Variants in KCNIP1 observed in about 807,000 individuals in gnomAD.
KCNIP1 encodes potassium voltage-gated channel interacting protein 1.
A neutral mutation model predicts 33.0 loss-of-function variants in KCNIP1; 18 were observed. That is an observed-to-expected ratio of 0.55 (90% CI 0.38 to 0.81). The LOEUF (loss-of-function observed/expected upper bound fraction) is 0.81. KCNIP1 is among the 30% of genes least tolerant of loss of function. KCNIP1 has a pLI of 0.00. For synonymous variants in KCNIP1, 93 were observed against 98.3 expected, an observed-to-expected ratio of 0.95 and a Z score of 0.32; for missense variants, 238 against 271.6, an observed-to-expected ratio of 0.88 and a Z score of 0.87.
chr5:170,570,867 G>A (rs1757381853), intron 1 of KCNIP1, among the ~76,000 whole-genome samples: 1 of 152,212 alleles, frequency 6.6e-6, no homozygotes, highest in Admixed American at 6.5e-5. Flanking sequence ...CCTTTATTAA[G>A]TCCCCCACTA....
intron 1 of KCNIP1, among the ~76,000 whole-genome samples, chr5:170,404,205 T>A (rs1284297697): frequency 6.6e-6 from 1 of 152,216 alleles, no homozygotes; most frequent in Admixed American, 6.5e-5. Flanking sequence ...TATTTATCAG[T>A]GTAAATAGCT....
chr5:170,413,894 C>T (rs1481189567), intron 1 of KCNIP1, among the ~76,000 whole-genome samples: 1 of 148,326 alleles, frequency 6.7e-6, no homozygotes, highest in Non-Finnish European at 1.5e-5. Flanking sequence ...CTGGTCTTGT[C>T]CAACTGTATC....
intron 1 of KCNIP1, among the ~76,000 whole-genome samples, chr5:170,409,782 T>G (rs973697061): frequency 6.6e-6 from 1 of 152,138 alleles, no homozygotes; most frequent in African/African-American, 2.4e-5. Flanking sequence ...GCTGAGGAAT[T>G]TGGTTGAGTT....
At chr5:170,483,685 T>C (rs1176692301) in intron 1 of KCNIP1, 1 of 152,220 alleles carries the variant, frequency 6.6e-6, no homozygotes, top group Admixed American at 6.5e-5. Context: ...ACCTTCCTTA[T>C]GGTTGTCAAA....
chr5:170,444,077 G>A (rs1174341441), intron 1 of KCNIP1, among the ~76,000 whole-genome samples: 1 of 152,222 alleles, frequency 6.6e-6, no homozygotes, highest in Admixed American at 6.5e-5. Flanking sequence ...TGTGGTAAGT[G>A]GACCTCAGTA....
intron 1 of KCNIP1, among the ~76,000 whole-genome samples, chr5:170,671,444 C>A (rs1761919249): frequency 6.6e-6 from 1 of 152,210 alleles, no homozygotes; most frequent in South Asian, 2.1e-4. Context: ...TTTCCTCCTT[C>A]AGCTCTTAGT....
intron 1 of KCNIP1, among the ~76,000 whole-genome samples, chr5:170,509,828 G>A (rs1754868721): frequency 6.6e-6 from 1 of 152,220 alleles, no homozygotes; most frequent in South Asian, 2.1e-4. Flanking sequence ...TAGGTGTATA[G>A]TGTCTTTGGA....
At chr5:170,404,239 A>C (rs529291127) in intron 1 of KCNIP1, among the ~76,000 whole-genome samples, 1 of 152,362 alleles carries the variant, frequency 6.6e-6, no homozygotes, top group Admixed American at 6.5e-5. Flanking sequence ...AAAAATTGGA[A>C]ACTAATAAAA....
At chr5:170,570,706 A>T (rs1757376282) in intron 1 of KCNIP1, among the ~76,000 whole-genome samples, 1 of 152,254 alleles carries the variant, frequency 6.6e-6, no homozygotes, top group Admixed American at 6.5e-5. Context: ...TTGGAGCACC[A>T]GCGACAGACG....
chr5:170,638,044 G>T (rs1363072434), intron 1 of KCNIP1, among the ~76,000 whole-genome samples: 1 of 136,590 alleles, frequency 7.3e-6, no homozygotes, highest in Non-Finnish European at 1.6e-5. Flanking sequence ...GGGGGTGGGG[G>T]GTGGGGATGT....
chr5:170,447,168 C>G (rs1756138644), intron 1 of KCNIP1, among the ~76,000 whole-genome samples: 1 of 152,148 alleles, frequency 6.6e-6, no homozygotes, highest in African/African-American at 2.4e-5. Flanking sequence ...TCTTGTACAT[C>G]TGCTGTATGC....
chr5:170,474,684 T>C (rs552056668), intron 1 of KCNIP1, among the ~76,000 whole-genome samples: 1 of 152,330 alleles, frequency 6.6e-6, no homozygotes, highest in East Asian at 1.9e-4. Context: ...AGAGGGTAAG[T>C]GACTTGTCCA....
intron 1 of KCNIP1, among the ~76,000 whole-genome samples, chr5:170,425,966 G>T (rs1227392549): frequency 6.6e-6 from 1 of 152,192 alleles, no homozygotes; most frequent in Non-Finnish European, 1.5e-5. Flanking sequence ...CATGCTCTAG[G>T]ACTCAGGCAT....
intron 1 of KCNIP1, among the ~76,000 whole-genome samples, chr5:170,432,203 C>G (rs1170445804): frequency 6.6e-6 from 1 of 152,162 alleles, no homozygotes. Flanking sequence ...CCTGAGCTCC[C>G]AGCAGCCAAA....
chr5:170,680,218 T>A (rs1173797589), intron 1 of KCNIP1, among the ~76,000 whole-genome samples: 1 of 152,140 alleles, frequency 6.6e-6, no homozygotes, highest in Non-Finnish European at 1.5e-5. Flanking sequence ...TCTCTGTGAC[T>A]CTAAGAGTGC....
intron 1 of KCNIP1, among the ~76,000 whole-genome samples, chr5:170,692,421 G>A (rs1011828899): frequency 1.3e-5 from 2 of 152,190 alleles, no homozygotes; most frequent in Non-Finnish European, 2.9e-5. Flanking sequence ...GGAAATAATA[G>A]CTTCCATCTC....
chr5:170,645,232 G>C (rs1052654888), intron 1 of KCNIP1, among the ~76,000 whole-genome samples: 1 of 152,120 alleles, frequency 6.6e-6, no homozygotes, highest in Non-Finnish European at 1.5e-5. Flanking sequence ...TCACAAATCC[G>C]CCTCAGTCAG....
At chr5:170,545,387 CT>C (rs1756375413) in intron 1 of KCNIP1, among the ~76,000 whole-genome samples, 1 of 152,070 alleles carries the variant, frequency 6.6e-6, no homozygotes, top group Admixed American at 6.6e-5. Flanking sequence ...GCTTGGTGGG[CT>C]TCTTGAATCA....
intron 1 of KCNIP1, among the ~76,000 whole-genome samples, chr5:170,567,776 G>T (rs190353990): frequency 6.6e-6 from 1 of 152,210 alleles, no homozygotes; most frequent in Non-Finnish European, 1.5e-5. Context: ...GAGGCCATCT[G>T]TTAATGGATG....
Sources: allele counts gnomAD v4.1 joint callset (sites outside exome capture counted in the v4.1 genomes callset), GRCh38; gene constraint gnomAD v4.1.1; transcripts MANE v1.5; gene names NCBI Gene and HGNC (gene_info 2026-07-23, HGNC 2026-07-21).